Variants in RSPO2 observed in about 807,000 individuals in gnomAD.
RSPO2 encodes the protein R-spondin-2.
A neutral mutation model predicts 30.9 loss-of-function variants in RSPO2; 14 were observed. The observed-to-expected ratio is 0.45, with a 90% CI of 0.30 to 0.71. RSPO2 has a LOEUF of 0.71. Ranked by LOEUF, RSPO2 falls within the 30% of genes least tolerant of loss-of-function variation. The pLI is 0.08. For missense variants in RSPO2, 264 were observed against 301.9 expected (o/e 0.87, Z 0.93); for synonymous variants, 107 against 96.4 (o/e 1.11, Z -0.64).
In RSPO2 at chr8:107,958,243, G is replaced by C. The variant is rs150297181; in HGVS notation, c.453C>G (p.Ser151Arg). The C allele has an allele frequency of 6.2e-7, 1 of 1,612,684 alleles. No individual in the cohort carries two copies. Among genetic ancestry groups the C allele is most frequent in the Non-Finnish European group, 8.5e-7 (1 of 1,179,374 alleles). Reference protein sequence around the residue: ...CVEGCEVGHWSEWGTCSRNNR... With the variant: ...CVEGCEVGHWREWGTCSRNNR... ...TATTTCTGCTACAAGTTCCCCATTC[G>C]CTCCAATGACCAACTTCACATCCTT... Residue 151 changes from serine to arginine, a missense_variant, in exon 5 of 6, where the codon AGC (serine) becomes AGG (arginine). By Grantham distance (110) the Ser-to-Arg change is moderately radical (BLOSUM62 -1). Transcript: ENST00000276659.
At chr8:107,989,410 G>C (rs956096738) in intron 2 of RSPO2, 166 bp from the exon 3 acceptor site, 1 of 533,216 alleles carries the variant, frequency 1.9e-6, no homozygotes, top group Non-Finnish European at 3.2e-6. Flanking sequence ...CACCCAAAAA[G>C]TTGTTAATAC....
intron 5 of RSPO2, among the ~76,000 whole-genome samples, chr8:107,943,820 A>G (rs1407183368): frequency 1.3e-5 from 2 of 152,236 alleles, no homozygotes; most frequent in Non-Finnish European, 2.9e-5. Flanking sequence ...CACTCTCACC[A>G]TGTAAAAGAC....
chr8:108,033,458 T>A (rs1344978396), intron 2 of RSPO2, among the ~76,000 whole-genome samples: 2 of 152,178 alleles, frequency 1.3e-5, no homozygotes, highest in African/African-American at 4.8e-5. Context: ...CCTGTGTTCA[T>A]CCCTCCGTGT....
chr8:108,082,914 G>GCT (rs1291529575), intron 1 of RSPO2, 107 bp from the exon 2 acceptor site: 6 of 448,578 alleles, frequency 1.3e-5, no homozygotes, highest in Non-Finnish European at 2.0e-5. Flanking sequence ...GAAGGAGGAA[G>GCT]CGAACCCACT....
intron 2 of RSPO2, among the ~76,000 whole-genome samples, chr8:108,046,079 T>C (rs1811900773): frequency 6.6e-6 from 1 of 152,184 alleles, no homozygotes; most frequent in African/African-American, 2.4e-5. Flanking sequence ...GACCCAGTAC[T>C]ACTCCAGACA....
At chr8:108,052,933 A>T (rs1026634808) in intron 2 of RSPO2, among the ~76,000 whole-genome samples, 2 of 152,160 alleles carry the variant, frequency 1.3e-5, no homozygotes, top group Non-Finnish European at 2.9e-5. Flanking sequence ...GAAACATGGT[A>T]AAAAGGTGCC....
chr8:107,912,795 G>T (rs1040751249), intron 5 of RSPO2, among the ~76,000 whole-genome samples: 7 of 152,136 alleles, frequency 4.6e-5, no homozygotes, highest in African/African-American at 1.7e-4. Flanking sequence ...AAATACCAGT[G>T]GTATCAAGAT....
chr8:108,025,681 A>G (rs1399944000), intron 2 of RSPO2, among the ~76,000 whole-genome samples: 2 of 151,436 alleles, frequency 1.3e-5, no homozygotes, highest in African/African-American at 4.9e-5. Flanking sequence ...GCACCCCACC[A>G]CACTTGGCTG....
At chr8:108,081,350 C>T (rs423940) in intron 2 of RSPO2, among the ~76,000 whole-genome samples, 72,814 of 152,092 alleles carry the variant, frequency 0.48, 17,347 homozygotes, top group Middle Eastern at 0.54. Context: ...GGAGATTACA[C>T]ACAATGAGTT....
intron 1 of RSPO2, 56 bp from the exon 2 acceptor site, chr8:108,082,863 G>A (rs1246951752): frequency 5.9e-6 from 3 of 510,256 alleles, no homozygotes; most frequent in African/African-American, 2.0e-5. Flanking sequence ...GCCCCGGGGA[G>A]GCAGCTGCGC....
chr8:108,017,052 T>C (rs1586631058), intron 2 of RSPO2, among the ~76,000 whole-genome samples: 1 of 151,916 alleles, frequency 6.6e-6, no homozygotes, highest in East Asian at 1.9e-4. Context: ...AGTTTCACTC[T>C]GTCGCCCAGG....
chr8:107,937,440 C>T (rs1402661556), intron 5 of RSPO2, among the ~76,000 whole-genome samples: 1 of 152,046 alleles, frequency 6.6e-6, no homozygotes, highest in Non-Finnish European at 1.5e-5. Flanking sequence ...CACGAGCCTG[C>T]AACATCAGTT....
At chr8:108,059,000 G>T (rs1812358275) in intron 2 of RSPO2, among the ~76,000 whole-genome samples, 1 of 151,694 alleles carries the variant, frequency 6.6e-6, no homozygotes, top group African/African-American at 2.4e-5. Context: ...TGACAAATGG[G>T]ATCTAATTAA....
chr8:108,048,946 C>G (rs539183666), intron 2 of RSPO2, among the ~76,000 whole-genome samples: 2 of 152,268 alleles, frequency 1.3e-5, no homozygotes, highest in South Asian at 2.1e-4. Flanking sequence ...CATTCAGGAG[C>G]AAGTTGTTCA....
At chr8:107,982,006 C>T (rs866328485) in intron 3 of RSPO2, among the ~76,000 whole-genome samples, 1 of 19,684 alleles carries the variant, frequency 5.1e-5, no homozygotes, top group East Asian at 1.1e-3. Context: ...ACAACAACAA[C>T]AACAAAAAAA....
chr8:107,979,566 G>C (rs1286777370), intron 3 of RSPO2, among the ~76,000 whole-genome samples: 1 of 152,006 alleles, frequency 6.6e-6, no homozygotes, highest in Non-Finnish European at 1.5e-5. Flanking sequence ...AGCATTAGGA[G>C]ATACTAATGC....
intron 2 of RSPO2, among the ~76,000 whole-genome samples, chr8:108,062,277 G>T (rs1165337633): frequency 6.6e-6 from 1 of 151,768 alleles, no homozygotes; most frequent in Non-Finnish European, 1.5e-5. Context: ...CAACAAAATT[G>T]ATAGCCTGCT....
At position 107,899,856 on chromosome 8, in the gene RSPO2, CAG is replaced by C. The variant is rs2130229725; in HGVS notation, c.*1217_*1218del. 6.6e-6 allele frequency: 1 copy of C among 152,306 alleles called. No homozygotes were observed. The highest frequency in any genetic ancestry group is 1.5e-5 in the Non-Finnish European group (1 of 68,038). 9.4% of individuals were successfully genotyped at this position (152,306 alleles called of 1,614,324 possible). On this transcript the variant is annotated 3_prime_UTR_variant, in exon 6 of 6. Transcript: ENST00000276659. ...GTTCCTCTCCATCTTGGATCTGAAACAGATTCTGGCTCAACAGAAACCTGTTA... is the reference window on the plus strand; with the variant it reads ...GTTCCTCTCCATCTTGGATCTGAAACATTCTGGCTCAACAGAAACCTGTTA...
chr8:108,001,053 G>A (rs527268932), intron 2 of RSPO2, among the ~76,000 whole-genome samples: 145 of 151,456 alleles, frequency 9.6e-4, no homozygotes, highest in South Asian at 1.5e-3. Context: ...TTAGCCAGGC[G>A]TGGTGGCGGG....
Sources: allele counts gnomAD v4.1 joint callset (sites outside exome capture counted in the v4.1 genomes callset), GRCh38; gene constraint gnomAD v4.1.1; transcripts MANE v1.5; gene names NCBI Gene and HGNC (gene_info 2026-07-23, HGNC 2026-07-21).